The following EML6 variants were observed in gnomAD, a reference collection of about 807,000 sequenced individuals.
EML6 encodes EMAP like 6.
A neutral mutation model predicts 240.1 loss-of-function variants in EML6; 154 were observed. That is an observed-to-expected ratio of 0.64 (90% CI 0.56 to 0.73). The LOEUF is 0.73. Among genes scored for constraint, EML6 ranks in the 30% least tolerant of loss-of-function variants. EML6 has a pLI of 0.00. For missense variants in EML6, 2,964 were observed against 2,474.6 expected (o/e 1.20, Z -4.20); for synonymous variants, 1,148 against 899.0 (o/e 1.28, Z -4.95).
In EML6 at chr2:54,970,135, C is replaced by G. The variant is rs374242112; in HGVS notation, c.*40C>G. ...CTTATGTTATTGCTGCTGCTGCTAC[C>G]AGCCAGCAACTGCAGAGGCCATGCT... On this transcript the variant is annotated 3_prime_UTR_variant, in exon 42 of 42. Transcript: ENST00000356458. 1.3e-6 allele frequency: 2 copies of G among 1,547,790 alleles called. No individual in the cohort carries two copies. The highest frequency in any genetic ancestry group is 1.7e-6 in the Non-Finnish European group (2 of 1,143,502).
intron 10 of EML6, among the ~76,000 whole-genome samples, chr2:54,850,757 A>G (rs951267859): frequency 4.6e-5 from 7 of 152,226 alleles, no homozygotes; most frequent in Non-Finnish European, 7.3e-5. Flanking sequence ...AACATGCACT[A>G]AGGCATGTGC....
At chr2:54,826,405 C>T (rs1489786791) in intron 5 of EML6, among the ~76,000 whole-genome samples, 3 of 152,204 alleles carry the variant, frequency 2.0e-5, no homozygotes, top group Non-Finnish European at 4.4e-5. Context: ...TTAAGACCAG[C>T]CTGGCCAACA....
intron 2 of EML6, among the ~76,000 whole-genome samples, chr2:54,803,496 T>G (rs1670292657): frequency 6.6e-6 from 1 of 152,174 alleles, no homozygotes; most frequent in Non-Finnish European, 1.5e-5. Flanking sequence ...GCCCCTTTTG[T>G]TTGTTGTCAC....
At chr2:54,843,883 A>G (rs1669602339) in intron 7 of EML6, among the ~76,000 whole-genome samples, 164 bp from the exon 8 acceptor site, 1 of 148,008 alleles carries the variant, frequency 6.8e-6, no homozygotes, top group African/African-American at 2.5e-5. Context: ...ATGGTGGCAG[A>G]GTTGATTCTC....
intron 21 of EML6, among the ~76,000 whole-genome samples, chr2:54,898,702 C>A (rs1188928974): frequency 6.6e-6 from 1 of 152,174 alleles, no homozygotes; most frequent in African/African-American, 2.4e-5. Context: ...CTACAAACAC[C>A]TTTCAGATGC....
intron 2 of EML6, among the ~76,000 whole-genome samples, chr2:54,802,832 C>G (rs1670244070): frequency 6.6e-6 from 1 of 152,136 alleles, no homozygotes; most frequent in Non-Finnish European, 1.5e-5. Flanking sequence ...ATGTTCTCAA[C>G]TCAGTAGAGA....
At chr2:54,858,405 T>C (rs1670500696) in intron 11 of EML6, among the ~76,000 whole-genome samples, 1 of 152,188 alleles carries the variant, frequency 6.6e-6, no homozygotes, top group South Asian at 2.1e-4. Flanking sequence ...GTGAGGAAGG[T>C]ATAAAGGTCA....
chr2:54,734,321 G>C (rs1252275364), intron 2 of EML6, among the ~76,000 whole-genome samples: 1 of 152,216 alleles, frequency 6.6e-6, no homozygotes, highest in African/African-American at 2.4e-5. Flanking sequence ...CTGGGTGGCT[G>C]AGTGATTCTC....
intron 11 of EML6, among the ~76,000 whole-genome samples, chr2:54,855,033 C>A (rs930957966): frequency 6.6e-6 from 1 of 152,144 alleles, no homozygotes; most frequent in African/African-American, 2.4e-5. Context: ...CCTATACATC[C>A]CAAGTCTTTT....
At chr2:54,797,168 A>AAAAAAAAAAACAAAAAAAAAC (rs1669840731) in intron 2 of EML6, among the ~76,000 whole-genome samples, 1 of 125,978 alleles carries the variant, frequency 7.9e-6, no homozygotes, top group Non-Finnish European at 1.8e-5. Flanking sequence ...CCATCTCAAA[A>AAAAAAAAAAACAAAAAAAAAC]AAAAAAAAAA....
At chr2:54,937,100 A>T (rs982504020) in intron 28 of EML6, among the ~76,000 whole-genome samples, 1 of 151,674 alleles carries the variant, frequency 6.6e-6, no homozygotes, top group Non-Finnish European at 1.5e-5. Context: ...ACCAACGTGG[A>T]AAAACCCCAT....
chr2:54,837,660 G>A (rs971434220), intron 7 of EML6, among the ~76,000 whole-genome samples: 2 of 152,176 alleles, frequency 1.3e-5, no homozygotes, highest in African/African-American at 4.8e-5. Context: ...AGAATCAGCT[G>A]GTGACCTGCT....
chr2:54,904,356 G>A (rs531999535), intron 24 of EML6, among the ~76,000 whole-genome samples: 284 of 152,252 alleles, frequency 1.9e-3, no homozygotes, highest in Non-Finnish European at 2.5e-3. Flanking sequence ...TCTGGAGCGG[G>A]TACTTGGGAA....
chr2:54,930,316 C>T (rs940321897), intron 28 of EML6, among the ~76,000 whole-genome samples: 4 of 152,312 alleles, frequency 2.6e-5, no homozygotes, highest in Admixed American at 1.3e-4. Flanking sequence ...TCACCTAATC[C>T]TCTTCTTGTC....
chr2:54,957,513 T>A (rs34227740), intron 32 of EML6, among the ~76,000 whole-genome samples: 5,417 of 152,226 alleles, frequency 0.036, 149 homozygotes, highest in Non-Finnish European at 0.056. Context: ...TGCCTTCTCA[T>A]ATCTGGAAGC....
intron 6 of EML6, among the ~76,000 whole-genome samples, chr2:54,828,697 T>C (rs561270452): frequency 1.3e-5 from 2 of 152,252 alleles, no homozygotes; most frequent in Non-Finnish European, 1.5e-5. Flanking sequence ...TAACCTAATT[T>C]CTTTTTATAC....
chr2:54,849,829 C>T (rs1049386028), intron 9 of EML6, 133 bp from the exon 10 acceptor site: 3 of 742,866 alleles, frequency 4.0e-6, no homozygotes, highest in Non-Finnish European at 6.4e-6. Context: ...TATATTTACT[C>T]AAAAGTTAAT....
intron 2 of EML6, among the ~76,000 whole-genome samples, chr2:54,806,872 G>C (rs1670522790): frequency 6.6e-6 from 1 of 152,198 alleles, no homozygotes; most frequent in Non-Finnish European, 1.5e-5. Flanking sequence ...TGAGTAATTT[G>C]CTGAAGGTGA....
chr2:54,952,500 A>G (rs1676032693), intron 30 of EML6, 94 bp from the exon 31 acceptor site: 2 of 697,828 alleles, frequency 2.9e-6, no homozygotes, highest in Non-Finnish European at 4.7e-6. Context: ...TCACTTTTAT[A>G]AGAAGTATCC....
Sources: allele counts gnomAD v4.1 joint callset (sites outside exome capture counted in the v4.1 genomes callset), GRCh38; gene constraint gnomAD v4.1.1; transcripts MANE v1.5; gene names NCBI Gene and HGNC (gene_info 2026-07-23, HGNC 2026-07-21).